Variants in CSMD1 observed in about 807,000 individuals in gnomAD.
The protein encoded by CSMD1 is CUB and Sushi multiple domains 1.
Under a neutral mutation model 417.5 loss-of-function variants are expected in CSMD1, and 213 were observed. That is an observed-to-expected ratio of 0.51 (90% CI 0.46 to 0.57). CSMD1 has a LOEUF of 0.57. Among genes scored for constraint, CSMD1 ranks in the 20% least tolerant of loss-of-function variants. The pLI, the probability that CSMD1 is intolerant of heterozygous loss-of-function variation, is 0.00. For missense variants in CSMD1, 6,923 were observed against 4,529.7 expected (o/e 1.53, Z -15.17); for synonymous variants, 2,862 against 1,736.8 (o/e 1.65, Z -16.11).
At chr8:4,368,262 T>C (rs1802201824) in intron 3 of CSMD1, among the ~76,000 whole-genome samples, 1 of 152,192 alleles carries the variant, frequency 6.6e-6, no homozygotes, top group African/African-American at 2.4e-5. Flanking sequence ...TGTGGCTTTT[T>C]TGTTCTGTGT....
At chr8:3,566,488 T>G (rs568292048) in intron 10 of CSMD1, among the ~76,000 whole-genome samples, 1 of 152,136 alleles carries the variant, frequency 6.6e-6, no homozygotes, top group South Asian at 2.1e-4. Flanking sequence ...CCCCTCCTGG[T>G]GTGCTGTCAG....
At chr8:3,336,135 T>G (rs1807247279) in intron 23 of CSMD1, among the ~76,000 whole-genome samples, 1 of 150,606 alleles carries the variant, frequency 6.6e-6, no homozygotes, top group African/African-American at 2.4e-5. Context: ...TCTCCAAACC[T>G]CTGTTCCCTC....
intron 4 of CSMD1, among the ~76,000 whole-genome samples, chr8:4,022,641 G>C (rs1278048577): frequency 2.6e-5 from 4 of 152,164 alleles, no homozygotes; most frequent in Admixed American, 6.5e-5. Context: ...GGAACCCTCT[G>C]GGTGAGCGCT....
At chr8:3,566,619 A>G (rs1401388313) in intron 10 of CSMD1, among the ~76,000 whole-genome samples, 1 of 152,198 alleles carries the variant, frequency 6.6e-6, no homozygotes, top group Non-Finnish European at 1.5e-5. Context: ...GTGGGCAAAG[A>G]TATGAACAGA....
At chr8:3,236,933 G>C (rs898205421) in intron 26 of CSMD1, among the ~76,000 whole-genome samples, 1 of 152,030 alleles carries the variant, frequency 6.6e-6, no homozygotes, top group African/African-American at 2.4e-5. Flanking sequence ...AAGTCACAGA[G>C]GCACTTTCCA....
At chr8:4,098,160 A>T (rs1801121865) in intron 3 of CSMD1, among the ~76,000 whole-genome samples, 1 of 152,208 alleles carries the variant, frequency 6.6e-6, no homozygotes, top group Admixed American at 6.5e-5. Flanking sequence ...AAATTAGAAT[A>T]ACATGTTTTG....
intron 3 of CSMD1, among the ~76,000 whole-genome samples, chr8:4,322,453 A>C (rs1237570834): frequency 6.6e-6 from 1 of 152,184 alleles, no homozygotes; most frequent in Non-Finnish European, 1.5e-5. Flanking sequence ...AGAGTAGGAA[A>C]AACCCATAGC....
At chr8:3,658,466 G>T (rs3110305) in intron 7 of CSMD1, among the ~76,000 whole-genome samples, 1 of 145,696 alleles carries the variant, frequency 6.9e-6, no homozygotes, top group African/African-American at 2.5e-5. Context: ...TATATATTGT[G>T]TATATATATA....
At chr8:4,927,066 C>G (rs1179470997) in intron 1 of CSMD1, among the ~76,000 whole-genome samples, 2 of 149,040 alleles carry the variant, frequency 1.3e-5, no homozygotes, top group Non-Finnish European at 3.0e-5. Flanking sequence ...AAAAATAGGG[C>G]TGTGTTATTT....
chr8:3,549,135 T>C (rs911783224), intron 10 of CSMD1, among the ~76,000 whole-genome samples: 2 of 152,180 alleles, frequency 1.3e-5, no homozygotes, highest in Non-Finnish European at 2.9e-5. Flanking sequence ...CATGTTTGCT[T>C]TGCTTCTAGA....
intron 1 of CSMD1, among the ~76,000 whole-genome samples, chr8:4,867,019 G>A (rs1337247350): frequency 6.6e-6 from 1 of 151,896 alleles, no homozygotes; most frequent in Non-Finnish European, 1.5e-5. Flanking sequence ...TTCTCGGCAG[G>A]CTTTGATTGC....
intron 3 of CSMD1, among the ~76,000 whole-genome samples, chr8:4,336,073 C>T (rs1800151474): frequency 6.6e-6 from 1 of 152,090 alleles, no homozygotes; most frequent in Non-Finnish European, 1.5e-5. Flanking sequence ...TTAAGTTCCA[C>T]AAGACAATCC....
rs375470256 is a variant in CSMD1, at chr8:4,395,644, A to G, written c.415+24309T>C. 4.6e-5 allele frequency among the ~76,000 whole-genome samples: 7 copies of G among 151,818 alleles called. No homozygotes were observed. In the East Asian group the frequency reaches 7.7e-4, roughly 17 times the overall value. On this transcript the variant is annotated intron_variant, in intron 3 of 69. Coordinates refer to ENST00000635120, the MANE Select transcript of CSMD1 (RefSeq NM_033225.6). Reference sequence around the variant, plus strand: ...CCATTATACTAATACTTCTATCTAAATGTTTTGATAAGACTCTGTTCCAAA... The same window carrying G: ...CCATTATACTAATACTTCTATCTAAGTGTTTTGATAAGACTCTGTTCCAAA...
At chr8:4,329,420 C>G (rs528783053) in intron 3 of CSMD1, among the ~76,000 whole-genome samples, 1 of 152,206 alleles carries the variant, frequency 6.6e-6, no homozygotes, top group Admixed American at 6.5e-5. Flanking sequence ...TCCCGGGTAG[C>G]TGGGACTACA....
chr8:4,905,447 T>C (rs1805180340), intron 1 of CSMD1, among the ~76,000 whole-genome samples: 1 of 151,996 alleles, frequency 6.6e-6, no homozygotes, highest in Non-Finnish European at 1.5e-5. Flanking sequence ...AGTAAAAGAC[T>C]CTCACTTTCT....
At chr8:4,383,533 A>C (rs947515158) in intron 3 of CSMD1, among the ~76,000 whole-genome samples, 1 of 152,190 alleles carries the variant, frequency 6.6e-6, no homozygotes. Context: ...TATTGCAGAC[A>C]GGTTGTGGTA....
intron 50 of CSMD1, among the ~76,000 whole-genome samples, chr8:3,030,170 T>C (rs1810249476): frequency 6.6e-6 from 1 of 152,072 alleles, no homozygotes; most frequent in African/African-American, 2.4e-5. Flanking sequence ...GCAACAGTAG[T>C]AGCAGTAGTA....
chr8:3,935,093 T>G (rs1810392693), intron 5 of CSMD1, among the ~76,000 whole-genome samples: 1 of 152,122 alleles, frequency 6.6e-6, no homozygotes, highest in Non-Finnish European at 1.5e-5. Context: ...CATCTAATAC[T>G]TAAAACAACA....
chr8:4,792,737 T>G (rs1271980006), intron 1 of CSMD1, among the ~76,000 whole-genome samples: 1 of 152,156 alleles, frequency 6.6e-6, no homozygotes, highest in East Asian at 1.9e-4. Context: ...TGCATTCAAT[T>G]ACACCGATGC....
Sources: allele counts gnomAD v4.1 joint callset (sites outside exome capture counted in the v4.1 genomes callset), GRCh38; gene constraint gnomAD v4.1.1; transcripts MANE v1.5; gene names NCBI Gene and HGNC (gene_info 2026-07-23, HGNC 2026-07-21).